The following ZBTB8B variants were observed in gnomAD, a reference collection of about 807,000 sequenced individuals.
ZBTB8B encodes zinc finger and BTB domain containing 8B, also known as zinc finger and BTB domain-containing protein 8B.
ZBTB8B carries 17 observed loss-of-function variants against 30.3 expected under a neutral mutation model. That is an observed-to-expected ratio of 0.56 (90% CI 0.38 to 0.84). The LOEUF (loss-of-function observed/expected upper bound fraction) is 0.84, where lower values mean the gene tolerates loss of function less well. ZBTB8B is among the 40% of genes least tolerant of loss of function. The pLI is 0.00. For synonymous variants in ZBTB8B, 248 were observed against 255.6 expected, an observed-to-expected ratio of 0.97 and a Z score of 0.28; for missense variants, 515 against 644.9, an observed-to-expected ratio of 0.80 and a Z score of 2.18.
chr1:32,478,730 C>A (rs1557682642), intron 2 of ZBTB8B, among the ~76,000 whole-genome samples: 4 of 152,104 alleles, frequency 2.6e-5, no homozygotes, highest in Non-Finnish European at 5.9e-5. Context: ...TCCACCCTTA[C>A]ATAAAGGATG....
intron 3 of ZBTB8B, among the ~76,000 whole-genome samples, chr1:32,483,237 A>G (rs1460975644): frequency 7.5e-6 from 1 of 133,138 alleles, no homozygotes; most frequent in Non-Finnish European, 1.6e-5. Flanking sequence ...CTTATCTACT[A>G]AAAATCCAAA....
In ZBTB8B at chr1:32,481,172, G is replaced by A. The variant is rs534166946; in HGVS notation, c.1170+103G>A. ...GTCTTTCATTTCTCTGTCTACTGGG[G>A]TATTTTCAGATAATTTCCACGTATG... On this transcript the variant is annotated intron_variant, in intron 3 of 3. Coordinates refer to ENST00000609129, the MANE Select transcript of ZBTB8B (RefSeq NM_001145720.2). The A allele has an allele frequency of 1.0e-4, 116 of 1,122,238 alleles. No homozygotes were observed. The African/African-American group carries it at 1.7e-3, about 16-fold the overall frequency. 69.5% of individuals were successfully genotyped at this position (1,122,238 alleles called of 1,614,324 possible). A position where few individuals can be genotyped will look rare whatever the true frequency, so the allele number is the denominator to read the frequency against.
In ZBTB8B at chr1:32,470,758, A is replaced by G. The variant is rs1332085962; in HGVS notation, c.134A>G (p.Asn45Ser). 6.4e-7 allele frequency: 1 copy of G among 1,551,816 alleles called. No homozygotes were observed. The highest frequency in any genetic ancestry group is 2.0e-5 in the Admixed American group (1 of 50,998). ...FKAHRNILFA[N>S]SGYFRALLIH... ...GCCCACAGGAACATTTTGTTTGCTA[A>G]CAGCGGCTACTTCCGAGCCCTGCTC... Residue 45 changes from asparagine (N) to serine (S), a missense_variant, in exon 2 of 4, where the codon AAC becomes AGC. Asn to Ser is a conservative substitution (Grantham distance 46). Transcript: ENST00000609129.
At chr1:32,477,416 A>G (rs1232510054) in intron 2 of ZBTB8B, among the ~76,000 whole-genome samples, 1 of 152,242 alleles carries the variant, frequency 6.6e-6, no homozygotes, top group Non-Finnish European at 1.5e-5. Flanking sequence ...TCTGATGGAG[A>G]AACAGTTAAC....
In ZBTB8B at chr1:32,466,779, G is replaced by C. The variant is rs1022119013; in HGVS notation, c.-42+1674G>C. On this transcript the variant is annotated intron_variant, in intron 1 of 3. Transcript: ENST00000609129. ...GAAAGACGGAAGTGCCCTGGGAAGA[G>C]CCCCTATAGATCAGACCATACTACA... 1.9e-4 allele frequency among the ~76,000 whole-genome samples: 29 copies of C among 152,270 alleles called. No homozygotes were observed. In the East Asian group the frequency reaches 5.4e-3, roughly 28 times the overall value.
chr1:32,476,285 G>A (rs764545498), intron 2 of ZBTB8B, among the ~76,000 whole-genome samples: 1 of 152,148 alleles, frequency 6.6e-6, no homozygotes, highest in African/African-American at 2.4e-5. Flanking sequence ...ATAAGCATGA[G>A]CCACCATGCC....
intron 2 of ZBTB8B, among the ~76,000 whole-genome samples, chr1:32,479,891 T>C (rs954346151): frequency 2.6e-5 from 4 of 152,204 alleles, no homozygotes; most frequent in Non-Finnish European, 5.9e-5. Flanking sequence ...TCCTGGATAT[T>C]TGATGATTTC....
chr1:32,471,747 C>G, intron 2 of ZBTB8B, 132 bp downstream of exon 2: 2 of 1,003,954 alleles, frequency 2.0e-6, no homozygotes, highest in Non-Finnish European at 2.9e-6. Flanking sequence ...ACCATCATCA[C>G]CAGTACCATC....
rs1643571416 is a variant in ZBTB8B, at chr1:32,466,483, G to C, written c.-42+1378G>C. 2.6e-5 allele frequency among the ~76,000 whole-genome samples: 4 copies of C among 152,232 alleles called. No individual in the cohort carries two copies. In the South Asian group the frequency reaches 8.3e-4, roughly 32 times the overall value. ...TGCTTCTGAGAGCAGTCTGCCCTAA[G>C]AGCTGCTCTTCTGGGATAAGTGGTG... On this transcript the variant is annotated intron_variant, in intron 1 of 3. Coordinates refer to ENST00000609129, the MANE Select transcript of ZBTB8B (RefSeq NM_001145720.2).
chr1:32,485,509 T>C lies in ZBTB8B; in HGVS notation c.*91T>C. 1 of 1,278,210 alleles carries C rather than the reference T, an allele frequency of 7.8e-7. No homozygotes were observed. The highest frequency in any genetic ancestry group is 1.1e-6 in the Non-Finnish European group (1 of 931,842). The allele number at this position is 1,278,210 out of a possible 1,614,324, so 79.2% of individuals were successfully genotyped here. A position where few individuals can be genotyped will look rare whatever the true frequency, so the allele number is the denominator to read the frequency against. ...CCATTTGTCCAATTTTGTGGAACCC[T>C]GAGAGGAACATTTTTTCACTGTTAT... On this transcript the variant is annotated 3_prime_UTR_variant, in exon 4 of 4. Coordinates refer to ENST00000609129, the MANE Select transcript of ZBTB8B (RefSeq NM_001145720.2).
rs1643617139 is a variant in ZBTB8B at position 32,471,199 on chromosome 1, C to T, written c.575C>T (p.Ser192Phe). 6.4e-7 allele frequency: 1 copy of T among 1,551,794 alleles called. No individual in the cohort carries two copies. ...GEKSVECLRE[S>F]PCGDCGDCHP... ...AAGAGCGTGGAGTGCCTGAGAGAGTCCCCTTGCGGTGACTGCGGAGACTGC... is the reference window on the plus strand; with the variant it reads ...AAGAGCGTGGAGTGCCTGAGAGAGTTCCCTTGCGGTGACTGCGGAGACTGC... Residue 192 changes from serine (S) to phenylalanine (F), a missense_variant, in exon 2 of 4, where the codon TCC (serine) becomes TTC (phenylalanine). Physicochemically the swap from Ser to Phe is radical, Grantham distance 155 (BLOSUM62 -2). This residue lies in a region of ZBTB8B where 429 missense variants were observed against 504.3 expected (regional missense o/e 0.85). Transcript: ENST00000609129.
In ZBTB8B at chr1:32,486,219, A is replaced by G. The variant is rs548351472; in HGVS notation, c.*801A>G. ...TCCCCTACTTTTTCCAGCAATTTCC[A>G]AAAGCTGGAGCTGTGTAACTTGGAA... On this transcript the variant is annotated 3_prime_UTR_variant, in exon 4 of 4. Transcript: ENST00000609129. The G allele has an allele frequency of 3.9e-5, 6 of 152,376 alleles. No individual in the cohort carries two copies. The highest frequency in any genetic ancestry group is 3.4e-3 in the Middle Eastern group (1 of 294). 9.4% of individuals were successfully genotyped at this position (152,376 alleles called of 1,614,324 possible).
rs75907057 is a variant in ZBTB8B, at chr1:32,484,456, G to C, written c.1171-645G>C. 0.066 allele frequency among the ~76,000 whole-genome samples: 10,075 copies of C among 152,234 alleles called. 455 individuals carry two copies. The highest frequency in any genetic ancestry group is 0.1 in the Non-Finnish European group (6,918 of 68,008). On this transcript the variant is annotated intron_variant, in intron 3 of 3. Transcript: ENST00000609129. The surrounding 1 kb of genome is among the most constrained non-coding windows in gnomAD (Gnocchi z 4.5). ...AGACCTCCTTCCAAGGTGTTCATAA[G>C]GGGTGAAGGGTTGATGATGGGCAGA...
intron 2 of ZBTB8B, among the ~76,000 whole-genome samples, chr1:32,474,674 G>C (rs1643649492): frequency 6.6e-6 from 1 of 152,352 alleles, no homozygotes; most frequent in East Asian, 1.9e-4. Flanking sequence ...TCTCATTGCT[G>C]TGTGTATAAT....
chr1:32,471,516 C>T lies in ZBTB8B; in HGVS notation c.892C>T (p.His298Tyr), dbSNP rs1643621217. The change falls in exon 2 of 4, where the codon CAT (histidine) becomes TAT (tyrosine). Residue 298 changes from histidine (H) to tyrosine (Y), a missense_variant. By Grantham distance (83) the His-to-Tyr change is moderately conservative. This residue lies in a region of ZBTB8B where 429 missense variants were observed against 504.3 expected (regional missense o/e 0.85). Coordinates refer to ENST00000609129, the MANE Select transcript of ZBTB8B (RefSeq NM_001145720.2). ...TGCCCCGAGCAAGGATGATGCAGAC[C>T]ATCACTTTTCTAGGAGTTTGGAAGG... Reference protein sequence around the residue: ...SAAPSKDDADHHFSRSLEGRP... With the variant: ...SAAPSKDDADYHFSRSLEGRP... The T allele has an allele frequency of 4.5e-6, 7 of 1,551,672 alleles. No individual in the cohort carries two copies. Among genetic ancestry groups the T allele is most frequent in the Non-Finnish European group, 6.1e-6 (7 of 1,147,030 alleles).
intron 1 of ZBTB8B, among the ~76,000 whole-genome samples, chr1:32,467,753 A>C (rs1300816315): frequency 6.6e-6 from 1 of 152,162 alleles, no homozygotes; most frequent in Admixed American, 6.5e-5. Flanking sequence ...ATAAATAATA[A>C]ACAGGAGTTA....
chr1:32,485,054 C>T (rs1335603826), intron 3 of ZBTB8B, 47 bp from the exon 4 acceptor site: 3 of 1,531,668 alleles, frequency 2.0e-6, no homozygotes, highest in Admixed American at 4.0e-5. Context: ...GTGGAAAACA[C>T]TCATCTCCTT....
intron 3 of ZBTB8B, among the ~76,000 whole-genome samples, chr1:32,483,173 CG>C (rs1227643431): frequency 1.5e-5 from 2 of 137,838 alleles, no homozygotes; most frequent in East Asian, 4.5e-4. Flanking sequence ...GATGGATCAT[CG>C]GATCATCCGA....
chr1:32,471,467 G>A lies in ZBTB8B; in HGVS notation c.843G>A (p.Leu281=), dbSNP rs746292707. ...AYSNYHVKQF[L]EALLRNSAAP... ...GCAACTACCACGTGAAGCAGTTCCT[G>A]GAGGCGCTCTTGCGCAACAGCGCTG... Residue 281 remains leucine, a synonymous_variant, in exon 2 of 4, where the codon CTG becomes CTA. Coordinates refer to ENST00000609129, the MANE Select transcript of ZBTB8B (RefSeq NM_001145720.2). 5.2e-6 allele frequency: 8 copies of A among 1,551,704 alleles called. No individual in the cohort carries two copies. The highest frequency in any genetic ancestry group is 2.7e-5 in the African/African-American group (2 of 73,072).
Sources: allele counts gnomAD v4.1 joint callset (sites outside exome capture counted in the v4.1 genomes callset), GRCh38; gene constraint gnomAD v4.1.1; regional missense constraint gnomAD v4.1.1; non-coding constraint Gnocchi (gnomAD v3.1); transcripts MANE v1.5; gene names NCBI Gene and HGNC (gene_info 2026-07-23, HGNC 2026-07-21).